Variants in GRIK4 observed in about 807,000 individuals in gnomAD.
GRIK4 encodes the protein glutamate receptor ionotropic, kainate 4.
Under a neutral mutation model 104.9 loss-of-function variants are expected in GRIK4, and 40 were observed. The observed-to-expected ratio is 0.38, with a 90% confidence interval of 0.30 to 0.50. GRIK4 has a LOEUF of 0.50. Ranked by LOEUF, GRIK4 falls within the 20% of genes least tolerant of loss-of-function variation. GRIK4 has a pLI of 0.93. For missense variants in GRIK4, 1,047 were observed against 1,308.1 expected, an observed-to-expected ratio of 0.80 and a Z score of 3.08; for synonymous variants, 485 against 524.9, an observed-to-expected ratio of 0.92 and a Z score of 1.04.
chr11:120,566,215 A>G (rs913109983), intron 1 of GRIK4, among the ~76,000 whole-genome samples: 3 of 152,224 alleles, frequency 2.0e-5, no homozygotes, highest in African/African-American at 7.2e-5. Flanking sequence ...TTGTAGCTCT[A>G]TGAGCTGTAA....
chr11:120,517,788 C>T (rs1193535249), intron 1 of GRIK4, among the ~76,000 whole-genome samples: 1 of 152,092 alleles, frequency 6.6e-6, no homozygotes, highest in Non-Finnish European at 1.5e-5. Flanking sequence ...GGGCCGGCCC[C>T]TAGCACAGAG....
intron 10 of GRIK4, among the ~76,000 whole-genome samples, chr11:120,874,451 G>A (rs1421100093): frequency 1.3e-5 from 2 of 152,330 alleles, no homozygotes; most frequent in South Asian, 2.1e-4. Flanking sequence ...GAAGGCAACA[G>A]CCCTCGAGCC....
intron 3 of GRIK4, among the ~76,000 whole-genome samples, chr11:120,758,961 A>C (rs763568923): frequency 4.6e-5 from 7 of 152,228 alleles, no homozygotes; most frequent in Admixed American, 6.5e-5. Context: ...GCTTATATCC[A>C]AGACTAGCAG....
intron 1 of GRIK4, among the ~76,000 whole-genome samples, chr11:120,624,724 C>T (rs1209195514): frequency 1.3e-5 from 2 of 152,148 alleles, no homozygotes; most frequent in African/African-American, 2.4e-5. Context: ...CCTCCATTAG[C>T]GTAGATCCTC....
chr11:120,623,461 G>A (rs1949215254), intron 1 of GRIK4, among the ~76,000 whole-genome samples: 3 of 152,036 alleles, frequency 2.0e-5, no homozygotes, highest in Admixed American at 6.5e-5. Flanking sequence ...TGACCCCATC[G>A]GTCTGTGAAC....
intron 1 of GRIK4, among the ~76,000 whole-genome samples, chr11:120,554,089 C>T (rs1352654860): frequency 6.6e-6 from 1 of 152,132 alleles, no homozygotes; most frequent in Non-Finnish European, 1.5e-5. Context: ...CACTCACACC[C>T]CCACCCACAG....
chr11:120,523,626 A>G (rs781676768), intron 1 of GRIK4, among the ~76,000 whole-genome samples: 11 of 152,190 alleles, frequency 7.2e-5, no homozygotes, highest in Non-Finnish European at 1.6e-4. Context: ...AGATGTCCAG[A>G]GAACCTGAGA....
chr11:120,758,661 G>A (rs1951693695), intron 3 of GRIK4, among the ~76,000 whole-genome samples: 1 of 152,170 alleles, frequency 6.6e-6, no homozygotes, highest in African/African-American at 2.4e-5. Flanking sequence ...ACAAGAGGGT[G>A]ACCATCTATT....
rs924837630 is a variant in GRIK4 at position 120,664,676 on chromosome 11, T to A, written c.82+4276T>A. On this transcript the variant is annotated intron_variant, in intron 3 of 20. Coordinates refer to ENST00000527524, the MANE Select transcript of GRIK4 (RefSeq NM_014619.5). Reference sequence around the variant, plus strand: ...ATATCCCATTATCACAGCCATCACATTAAATACATTGTGTTCTGCTGGTAA... The same window carrying A: ...ATATCCCATTATCACAGCCATCACAATAAATACATTGTGTTCTGCTGGTAA... 4.6e-5 allele frequency among the ~76,000 whole-genome samples: 7 copies of A among 152,362 alleles called. No individual in the cohort carries two copies. In the East Asian group the frequency reaches 1.3e-3, roughly 29 times the overall value.
intron 3 of GRIK4, among the ~76,000 whole-genome samples, chr11:120,785,610 G>A (rs577481750): frequency 6.6e-6 from 1 of 152,326 alleles, no homozygotes; most frequent in African/African-American, 2.4e-5. Flanking sequence ...AAGTCCGAGA[G>A]TTAGCTCATA....
At chr11:120,608,375 C>G (rs1948988508) in intron 1 of GRIK4, among the ~76,000 whole-genome samples, 1 of 152,248 alleles carries the variant, frequency 6.6e-6, no homozygotes. Flanking sequence ...GCAAGGAATA[C>G]TTGCTAAGAC....
intron 1 of GRIK4, among the ~76,000 whole-genome samples, chr11:120,644,057 G>A (rs1729576002): frequency 1.0e-5 from 1 of 99,336 alleles, no homozygotes; most frequent in Middle Eastern, 5.1e-3. Flanking sequence ...GAGAGAGAGA[G>A]AGGAGAGAGA....
intron 3 of GRIK4, among the ~76,000 whole-genome samples, chr11:120,705,232 C>CTTTTTTTTT (rs902505786): frequency 2.2e-5 from 3 of 139,082 alleles, no homozygotes; most frequent in Non-Finnish European, 1.6e-5. Context: ...TCTTTCTTTT[C>CTTTTTTTTT]TTTTTTTTTT....
At position 120,549,886 on chromosome 11, in the gene GRIK4, C is replaced by T. The variant is rs1351315683; in HGVS notation, c.-159+37999C>T. 6.6e-6 allele frequency among the ~76,000 whole-genome samples: 1 copy of T among 152,182 alleles called. No individual in the cohort carries two copies. The highest frequency in any genetic ancestry group is 1.5e-5 in the Non-Finnish European group (1 of 68,036). ...GCTATGCTGGATGTTGAGATGTGAA[C>T]CTGCGAGGTAGACGGCAGCCTCAGC... On this transcript the variant is annotated intron_variant, in intron 1 of 20. Coordinates refer to ENST00000527524, the MANE Select transcript of GRIK4 (RefSeq NM_014619.5). The surrounding 1 kb of genome is among the most constrained non-coding windows in gnomAD (Gnocchi z 4.7).
At chr11:120,911,613 G>A (rs962012434) in intron 13 of GRIK4, among the ~76,000 whole-genome samples, 5 of 148,878 alleles carry the variant, frequency 3.4e-5, no homozygotes, top group Non-Finnish European at 6.0e-5. Context: ...AGGCCGAGGC[G>A]GGTGGATCAC....
chr11:120,539,948 A>G (rs1268329010), intron 1 of GRIK4, among the ~76,000 whole-genome samples: 1 of 152,168 alleles, frequency 6.6e-6, no homozygotes, highest in Admixed American at 6.6e-5. Context: ...GGACTTTGTC[A>G]CAGTGGAGAA....
Position 120,970,728 on chromosome 11 carries a change from C to T in GRIK4, c.2395+3405C>T, listed in dbSNP as rs142851408. Among the ~76,000 whole-genome samples the T allele has an allele frequency of 4.2e-3, 644 of 152,216 alleles. 2 individuals are homozygous for T. The highest frequency in any genetic ancestry group is 6.9e-3 in the Non-Finnish European group (471 of 68,012). On this transcript the variant is annotated intron_variant, in intron 19 of 20. Transcript: ENST00000527524. Reference sequence around the variant, plus strand: ...AGACCATCTCTCCCATTCCAGATCTCGCCCAAAGTCCAAGGACCCTTTCTT... The same window carrying T: ...AGACCATCTCTCCCATTCCAGATCTTGCCCAAAGTCCAAGGACCCTTTCTT...
chr11:120,824,553 CTTTTTTTTTT>C (rs763907708), intron 6 of GRIK4, among the ~76,000 whole-genome samples: 1 of 128,894 alleles, frequency 7.8e-6, no homozygotes, highest in African/African-American at 2.9e-5. Context: ...TTTTTCTTTT[CTTTTTTTTTT>C]TTTTTTGACA....
At chr11:120,808,132 C>T (rs1952754268) in intron 4 of GRIK4, among the ~76,000 whole-genome samples, 1 of 152,168 alleles carries the variant, frequency 6.6e-6, no homozygotes, top group Non-Finnish European at 1.5e-5. Flanking sequence ...CAGTGACAGA[C>T]AGTATGGCTG....
Sources: allele counts gnomAD v4.1 joint callset (sites outside exome capture counted in the v4.1 genomes callset), GRCh38; gene constraint gnomAD v4.1.1; non-coding constraint Gnocchi (gnomAD v3.1); transcripts MANE v1.5; gene names NCBI Gene and HGNC (gene_info 2026-07-23, HGNC 2026-07-21).